The following PACSIN2 variants were observed in gnomAD, a reference collection of about 807,000 sequenced individuals.
PACSIN2 encodes protein kinase C and casein kinase substrate in neurons 2.
Under a neutral mutation model 63.8 loss-of-function variants are expected in PACSIN2, and 25 were observed. The ratio of observed to expected loss-of-function variants is 0.39; its 90% confidence interval spans 0.29 to 0.55. The LOEUF is 0.55. Ranked by LOEUF, PACSIN2 falls within the 20% of genes least tolerant of loss-of-function variation. The pLI, the probability that PACSIN2 is intolerant of heterozygous loss-of-function variation, is 0.62. For synonymous variants in PACSIN2, 255 were observed against 256.2 expected, an observed-to-expected ratio of 1.00 and a Z score of 0.05; for missense variants, 518 against 646.9, an observed-to-expected ratio of 0.80 and a Z score of 2.16.
In PACSIN2 at chr22:42,908,749, C is replaced by T. The variant is rs570127588; in HGVS notation, c.60+3272G>A. ...TCAAGGTCCTCAGCACTCTGTAAGACCACACTCATTCAGGCTCCAGACTTG... is the reference window on the plus strand; with the variant it reads ...TCAAGGTCCTCAGCACTCTGTAAGATCACACTCATTCAGGCTCCAGACTTG... On this transcript the variant is annotated intron_variant, in intron 2 of 10. Coordinates refer to ENST00000263246, the MANE Select transcript of PACSIN2 (RefSeq NM_001184970.3). 4.6e-5 allele frequency among the ~76,000 whole-genome samples: 7 copies of T among 152,294 alleles called. 1 individual carries two copies. The South Asian group carries it at 1.5e-3, about 32-fold the overall frequency.
rs373993590 is a variant in PACSIN2 at position 42,944,826 on chromosome 22, G to A, written c.-77-32669C>T. Among the ~76,000 whole-genome samples, 11 of 152,250 alleles carry A rather than the reference G, an allele frequency of 7.2e-5. No individual in the cohort carries two copies. The East Asian group carries it at 1.2e-3, about 16-fold the overall frequency. On this transcript the variant is annotated intron_variant, in intron 1 of 10. Coordinates refer to ENST00000263246, the MANE Select transcript of PACSIN2 (RefSeq NM_001184970.3). ...TAAGGTGAGGACTGTAGCTGGGCGC[G>A]GTGGCTCACGCCTATAATCTCAGCA...
rs541188608 is a variant in PACSIN2, at chr22:42,870,301, G to C, written c.*1056C>G. 1 of 152,186 alleles carries C rather than the reference G, an allele frequency of 6.6e-6. No homozygotes were observed. Among genetic ancestry groups the C allele is most frequent in the Non-Finnish European group, 1.5e-5 (1 of 68,028 alleles). The allele number at this position is 152,186 out of a possible 1,614,324, so 9.4% of individuals were successfully genotyped here. ...CGAGCCTCCCTCCAGCAGGCACCAC[G>C]TCAGAGAGGCCCCAGGCCCACTGAG... On this transcript the variant is annotated 3_prime_UTR_variant, in exon 11 of 11. Transcript: ENST00000263246.
intron 1 of PACSIN2, among the ~76,000 whole-genome samples, chr22:42,943,216 C>T (rs960108149): frequency 1.4e-4 from 21 of 152,136 alleles, no homozygotes; most frequent in Non-Finnish European, 1.8e-4. Context: ...ATAGAAATAT[C>T]GTTATTTTTG....
At chr22:42,938,205 T>A (rs1932993251) in intron 1 of PACSIN2, among the ~76,000 whole-genome samples, 1 of 152,204 alleles carries the variant, frequency 6.6e-6, no homozygotes, top group African/African-American at 2.4e-5. Context: ...GTTTCCAAGT[T>A]GTTTCCTGGG....
chr22:42,931,392 G>A (rs1401830962), intron 1 of PACSIN2, among the ~76,000 whole-genome samples: 2 of 152,224 alleles, frequency 1.3e-5, no homozygotes, highest in African/African-American at 4.8e-5. Flanking sequence ...GGGAAGTGAG[G>A]AAATGGCTTC....
At chr22:42,983,329 A>AAAG (rs1366590684) in intron 1 of PACSIN2, among the ~76,000 whole-genome samples, 6 of 150,318 alleles carry the variant, frequency 4.0e-5, no homozygotes, top group African/African-American at 1.5e-4. Flanking sequence ...AAAAAAAAAA[A>AAAG]AAAAAAAGAA....
chr22:42,995,778 C>A (rs1264182795), intron 1 of PACSIN2, among the ~76,000 whole-genome samples: 1 of 152,166 alleles, frequency 6.6e-6, no homozygotes, highest in Non-Finnish European at 1.5e-5. Context: ...TTAAAAGAAA[C>A]AGTGGCCAGG....
At chr22:42,934,813 G>A (rs970993800) in intron 1 of PACSIN2, among the ~76,000 whole-genome samples, 7 of 152,186 alleles carry the variant, frequency 4.6e-5, no homozygotes, top group African/African-American at 7.2e-5. Flanking sequence ...TGCCTATCAC[G>A]GTACCCACAG....
chr22:43,001,341 C>A (rs1276387318), intron 1 of PACSIN2, among the ~76,000 whole-genome samples: 1 of 152,250 alleles, frequency 6.6e-6, no homozygotes, highest in African/African-American at 2.4e-5. Context: ...ACACAACCAA[C>A]AGCTCAGCCA....
intron 5 of PACSIN2, 54 bp downstream of exon 5, chr22:42,888,589 C>A (rs1422130856): frequency 6.3e-7 from 1 of 1,577,862 alleles, no homozygotes; most frequent in Admixed American, 1.7e-5. Flanking sequence ...ATGCCAGACA[C>A]GTCAACAACT....
chr22:42,874,035 C>T (rs1045329843), intron 10 of PACSIN2, among the ~76,000 whole-genome samples: 3 of 152,080 alleles, frequency 2.0e-5, no homozygotes, highest in African/African-American at 4.8e-5. Flanking sequence ...AGTGATCCTT[C>T]GGCCTTGGCC....
intron 10 of PACSIN2, among the ~76,000 whole-genome samples, chr22:42,875,498 G>C (rs2284091): frequency 6.6e-6 from 1 of 151,608 alleles, no homozygotes; most frequent in African/African-American, 2.4e-5. Flanking sequence ...GCCTCCCAGA[G>C]AGCTGGGACT....
At chr22:42,996,738 T>C (rs1220890755) in intron 1 of PACSIN2, among the ~76,000 whole-genome samples, 1 of 152,012 alleles carries the variant, frequency 6.6e-6, no homozygotes, top group East Asian at 1.9e-4. Flanking sequence ...CAGGCCAAAA[T>C]GGACACACTG....
intron 1 of PACSIN2, among the ~76,000 whole-genome samples, chr22:43,009,468 T>C (rs1046071006): frequency 1.3e-5 from 2 of 152,250 alleles, no homozygotes; most frequent in Non-Finnish European, 2.9e-5. Flanking sequence ...CAGTTCTTAA[T>C]CTGGGTCCAC....
At chr22:42,965,279 G>T (rs1251820079) in intron 1 of PACSIN2, among the ~76,000 whole-genome samples, 1 of 152,180 alleles carries the variant, frequency 6.6e-6, no homozygotes, top group Non-Finnish European at 1.5e-5. Context: ...GGGGCAGGGT[G>T]GGGGACTGAC....
intron 1 of PACSIN2, among the ~76,000 whole-genome samples, chr22:43,003,364 C>T (rs557087208): frequency 1.3e-5 from 2 of 152,238 alleles, no homozygotes; most frequent in Admixed American, 6.5e-5. Flanking sequence ...CCCAGCACTT[C>T]GGGAGGCCAA....
chr22:43,000,848 G>A (rs893801410), intron 1 of PACSIN2, among the ~76,000 whole-genome samples: 5 of 152,230 alleles, frequency 3.3e-5, no homozygotes, highest in African/African-American at 1.2e-4. Flanking sequence ...GCACTGCCGT[G>A]ATCCAATCAC....
chr22:42,948,950 C>G (rs1267342802), intron 1 of PACSIN2, among the ~76,000 whole-genome samples: 6 of 152,262 alleles, frequency 3.9e-5, no homozygotes, highest in Middle Eastern at 3.4e-3. Context: ...CAATCTGAAA[C>G]TAATAGGCTT....
chr22:42,931,947 A>T (rs761985989), intron 1 of PACSIN2, among the ~76,000 whole-genome samples: 1 of 152,234 alleles, frequency 6.6e-6, no homozygotes, highest in Non-Finnish European at 1.5e-5. Flanking sequence ...AACGTTAAAG[A>T]GAACAGAAAA....
Sources: gnomAD v4.1 joint callset for allele counts (sites outside exome capture counted in the v4.1 genomes callset) on GRCh38, gnomAD v4.1.1 for gene constraint, MANE v1.5 for transcripts, NCBI Gene and HGNC (gene_info 2026-07-23, HGNC 2026-07-21) for gene names.